UTP18: variants seen among roughly 807,000 people sequenced by gnomAD.
The protein encoded by UTP18 is UTP18 small subunit processome component.
UTP18 carries 36 observed loss-of-function variants against 61.1 expected under a neutral mutation model. The observed-to-expected ratio is 0.59, with a 90% CI of 0.45 to 0.78. UTP18 has a LOEUF of 0.78. Among genes scored for constraint, UTP18 ranks in the 30% least tolerant of loss-of-function variants. The probability of loss-of-function intolerance (pLI) is 0.00; values close to 1 mark genes in which losing one functional copy is unlikely to be tolerated. For missense variants in UTP18, 753 were observed against 693.9 expected (o/e 1.09, Z -0.96); for synonymous variants, 282 against 251.1 (o/e 1.12, Z -1.16).
chr17:51,266,850 A>T (rs1392714279), intron 3 of UTP18, among the ~76,000 whole-genome samples: 1 of 152,008 alleles, frequency 6.6e-6, no homozygotes, highest in African/African-American at 2.4e-5. Flanking sequence ...TTTGGATTTT[A>T]TGTCCTTTAA....
intron 7 of UTP18, among the ~76,000 whole-genome samples, chr17:51,277,833 C>T (rs1904781262): frequency 6.6e-6 from 1 of 152,100 alleles, no homozygotes; most frequent in Admixed American, 6.5e-5. Flanking sequence ...TGCCCTCTAC[C>T]ATACCCATTC....
Position 51,294,062 on chromosome 17 carries a change from T to G in UTP18, c.1646+17T>G. The G allele has an allele frequency of 6.4e-7, 1 of 1,550,578 alleles. No individual in the cohort carries two copies. The highest frequency in any genetic ancestry group is 8.7e-7 in the Non-Finnish European group (1 of 1,154,632). ...GATGTATAGGTAGGTATTATTTATG[T>G]TTAAAAGTCAGAGATACCTATAAAC... is the stretch of plus-strand genomic sequence containing the variant. On this transcript the variant is annotated intron_variant, in intron 12 of 13. Transcript: ENST00000225298.
At chr17:51,292,393 A>G (rs1905261343) in intron 11 of UTP18, among the ~76,000 whole-genome samples, 1 of 152,272 alleles carries the variant, frequency 6.6e-6, no homozygotes, top group African/African-American at 2.4e-5. Context: ...GGCAAAGTTG[A>G]AAATAATTGA....
chr17:51,294,136 A>T, intron 12 of UTP18, 91 bp downstream of exon 12: 1 of 1,089,398 alleles, frequency 9.2e-7, no homozygotes, highest in Non-Finnish European at 1.2e-6. Flanking sequence ...TTCTACAGTT[A>T]ATAAATTCTA....
At chr17:51,263,045 T>TAGTC (rs2055523347) in intron 1 of UTP18, among the ~76,000 whole-genome samples, 1 of 152,276 alleles carries the variant, frequency 6.6e-6, no homozygotes, top group South Asian at 2.1e-4. Context: ...GTGTTGACTT[T>TAGTC]TTCTCCTTGA....
intron 7 of UTP18, among the ~76,000 whole-genome samples, chr17:51,278,625 G>A (rs1436946183): frequency 2.6e-5 from 4 of 152,084 alleles, no homozygotes; most frequent in African/African-American, 7.2e-5. Flanking sequence ...CATTTCCACC[G>A]CCTGATACTG....
intron 8 of UTP18, 24 bp from the exon 9 acceptor site, chr17:51,280,365 G>A: frequency 3.1e-6 from 5 of 1,605,746 alleles, no homozygotes; most frequent in Non-Finnish European, 3.4e-6. Context: ...CTAACAGTTT[G>A]ATAAATAATA....
chr17:51,268,748 G>A, intron 3 of UTP18, 89 bp from the exon 4 acceptor site: 1 of 1,020,862 alleles, frequency 9.8e-7, no homozygotes, highest in East Asian at 2.6e-5. Context: ...TATTCTCAAG[G>A]GTGATTCAAC....
chr17:51,279,752 C>G (rs370975320), intron 7 of UTP18, among the ~76,000 whole-genome samples: 2 of 152,132 alleles, frequency 1.3e-5, no homozygotes, highest in Non-Finnish European at 1.5e-5. Context: ...AGCTGAGTCT[C>G]TGGCCTGCAG....
rs535557704 is a variant in UTP18 at position 51,273,771 on chromosome 17, A to T, written c.711+321A>T. Reference sequence around the variant, plus strand: ...TAAATAAATAAATAAATAAATAAATAAATTTTCCAGTAATTCTAGGAATCC... The same window carrying T: ...TAAATAAATAAATAAATAAATAAATTAATTTTCCAGTAATTCTAGGAATCC... On this transcript the variant is annotated intron_variant, in intron 5 of 13. Transcript: ENST00000225298. Among the ~76,000 whole-genome samples, 9 of 150,528 alleles carry T rather than the reference A, an allele frequency of 6.0e-5. No individual in the cohort carries two copies. In the South Asian group the frequency reaches 1.7e-3, roughly 28 times the overall value.
In UTP18 at chr17:51,260,840, G is replaced by A. The variant is rs1414534596; in HGVS notation, c.256G>A (p.Ala86Thr). ...CCTGAGGCTGGAGGAGGACAAACCGGCCGTGGAGCGGTGCTTGGAGGAGCT... is the reference window on the plus strand; with the variant it reads ...CCTGAGGCTGGAGGAGGACAAACCGACCGTGGAGCGGTGCTTGGAGGAGCT... Reference protein sequence around the residue: ...NRLRLEEDKPAVERCLEELVF... With the variant: ...NRLRLEEDKPTVERCLEELVF... Residue 86 changes from alanine to threonine, a missense_variant, in exon 1 of 14, where the codon GCC becomes ACC. By Grantham distance (58) the Ala-to-Thr change is moderately conservative (BLOSUM62 0). Coordinates refer to ENST00000225298, the MANE Select transcript of UTP18 (RefSeq NM_016001.3). 6.3e-7 allele frequency: 1 copy of A among 1,599,506 alleles called. No individual in the cohort carries two copies. Among genetic ancestry groups the A allele is most frequent in the Admixed American group, 1.7e-5 (1 of 58,248 alleles).
chr17:51,283,558 AAG>A (rs1360658945), intron 9 of UTP18, among the ~76,000 whole-genome samples: 23 of 152,094 alleles, frequency 1.5e-4, no homozygotes, highest in African/African-American at 5.6e-4. Context: ...TTGAGATAAA[AAG>A]AGTTGAAGAA....
intron 9 of UTP18, among the ~76,000 whole-genome samples, chr17:51,281,164 A>ATATATATT (rs59857038): frequency 1.5e-4 from 21 of 140,424 alleles, no homozygotes; most frequent in African/African-American, 4.8e-4. Flanking sequence ...ATATATATAT[A>ATATATATT]TTTTTTTTAA....
chr17:51,266,892 T>C (rs554999017), intron 3 of UTP18, among the ~76,000 whole-genome samples: 27 of 152,316 alleles, frequency 1.8e-4, no homozygotes, highest in African/African-American at 6.5e-4. Flanking sequence ...AGGATCTCAC[T>C]CTGTCACCCA....
chr17:51,267,565 T>C (rs1380230831), intron 3 of UTP18, among the ~76,000 whole-genome samples: 2 of 152,144 alleles, frequency 1.3e-5, no homozygotes. Context: ...TTATTTTTTC[T>C]TTGTGTTGTT....
chr17:51,291,756 AAAG>A (rs956722237), intron 11 of UTP18, among the ~76,000 whole-genome samples: 1 of 152,040 alleles, frequency 6.6e-6, no homozygotes, highest in African/African-American at 2.4e-5. Context: ...AAAAAAAAGA[AAAG>A]AAAAGAAAAG....
chr17:51,291,047 G>A (rs1430513316), intron 11 of UTP18, among the ~76,000 whole-genome samples: 3 of 152,138 alleles, frequency 2.0e-5, no homozygotes, highest in South Asian at 2.1e-4. Flanking sequence ...AAGGATGAGC[G>A]AGCTTTTACT....
At chr17:51,280,516 T>G (rs553162183) in intron 9 of UTP18, 37 bp downstream of exon 9, 3 of 1,608,294 alleles carry the variant, frequency 1.9e-6, no homozygotes, top group Admixed American at 3.3e-5. Flanking sequence ...AGGATATTTT[T>G]ACATTTTAAA....
chr17:51,261,845 C>T (rs2055495773), intron 1 of UTP18, among the ~76,000 whole-genome samples: 1 of 151,828 alleles, frequency 6.6e-6, no homozygotes, highest in South Asian at 2.1e-4. Flanking sequence ...ACCAGAGCCG[C>T]CTTCGGGTGC....
Sources: gnomAD v4.1 joint callset for allele counts (sites outside exome capture counted in the v4.1 genomes callset) on GRCh38, gnomAD v4.1.1 for gene constraint, MANE v1.5 for transcripts, NCBI Gene and HGNC (gene_info 2026-07-23, HGNC 2026-07-21) for gene names.